TTC13: variants seen among roughly 807,000 people sequenced by gnomAD.
TTC13 encodes the protein tetratricopeptide repeat protein 13.
TTC13 carries 62 observed loss-of-function variants against 120.0 expected under a neutral mutation model. The observed-to-expected ratio is 0.52, with a 90% CI of 0.42 to 0.64. The LOEUF (loss-of-function observed/expected upper bound fraction) is 0.64, where lower values mean the gene tolerates loss of function less well. Among genes scored for constraint, TTC13 ranks in the 30% least tolerant of loss-of-function variants. TTC13 has a pLI of 0.00. For synonymous variants in TTC13, 384 were observed against 393.5 expected (o/e 0.98, Z 0.28); for missense variants, 824 against 1,050.2 (o/e 0.78, Z 2.98).
chr1:230,953,999 G>A (rs945671049), intron 4 of TTC13, among the ~76,000 whole-genome samples: 1 of 152,188 alleles, frequency 6.6e-6, no homozygotes, highest in Admixed American at 6.5e-5. Context: ...GTGGTAGAGA[G>A]GAAAGTGAAC....
intron 1 of TTC13, among the ~76,000 whole-genome samples, chr1:230,963,357 G>A (rs1676818444): frequency 6.6e-6 from 1 of 152,106 alleles, no homozygotes; most frequent in South Asian, 2.1e-4. Flanking sequence ...AATGGATGGA[G>A]GCTGGGTGCG....
chr1:230,947,575 T>C (rs967623564), intron 4 of TTC13, among the ~76,000 whole-genome samples: 1 of 150,606 alleles, frequency 6.6e-6, no homozygotes. Flanking sequence ...AAAAAAAAAA[T>C]ATCATAATGT....
Position 230,908,963 on chromosome 1 carries a change from T to G in TTC13, c.2367A>C (p.Ala789=). 3 of 1,614,238 alleles carry G rather than the reference T, an allele frequency of 1.9e-6. No individual in the cohort carries two copies. The highest frequency in any genetic ancestry group is 2.5e-6 in the Non-Finnish European group (3 of 1,180,036). ...ATACCTTCCCTTTGGGAATTTTTCC[T>G]GCTACTTCTTTTCCACTTGCCATCA... ...GALMASGKEV[A]GKIPKGKLVD... is the part of the protein sequence containing the mutation. Residue 789 remains alanine, a synonymous_variant, in exon 21 of 23, where the codon GCA becomes GCC. Coordinates refer to ENST00000366661, the MANE Select transcript of TTC13 (RefSeq NM_024525.5).
chr1:230,943,122 C>A (rs1167537407), intron 6 of TTC13, among the ~76,000 whole-genome samples: 1 of 152,092 alleles, frequency 6.6e-6, no homozygotes, highest in African/African-American at 2.4e-5. Flanking sequence ...CATATCAAGT[C>A]TTGCTAAAGT....
intron 4 of TTC13, among the ~76,000 whole-genome samples, chr1:230,947,467 G>T (rs758813917): frequency 6.6e-6 from 1 of 152,090 alleles, no homozygotes; most frequent in East Asian, 1.9e-4. Context: ...TAGAGCAGGG[G>T]TGTCCAATCT....
intron 1 of TTC13, among the ~76,000 whole-genome samples, chr1:230,965,012 A>T (rs1321846279): frequency 6.6e-6 from 1 of 152,204 alleles, no homozygotes; most frequent in Non-Finnish European, 1.5e-5. Flanking sequence ...AAGAACTCAA[A>T]CTATGAAACT....
intron 5 of TTC13, 21 bp from the exon 6 acceptor site, chr1:230,943,919 G>A (rs1674750703): frequency 6.4e-7 from 1 of 1,568,250 alleles, no homozygotes; most frequent in Non-Finnish European, 8.7e-7. Flanking sequence ...CATTAGCTTA[G>A]TATGAGACAT....
rs781569617 is a variant in TTC13 at position 230,963,671 on chromosome 1, T to TAAATAAATAAAA, written c.272-2369_272-2368insTTTTATTTATTT. Among the ~76,000 whole-genome samples the TAAATAAATAAAA allele has an allele frequency of 6.5e-3, 712 of 109,900 alleles. 5 individuals are homozygous for TAAATAAATAAAA. The highest frequency in any genetic ancestry group is 0.019 in the Middle Eastern group (4 of 214). 72.1% of individuals were successfully genotyped at this position (109,900 alleles called of 152,430 possible). A position where few individuals can be genotyped will look rare whatever the true frequency, so the allele number is the denominator to read the frequency against. ...ATAAATAAATAAATAAATAAATAAATAAAAGAAAAAAGAATGGATGGATTT... is the reference window on the plus strand; with the variant it reads ...ATAAATAAATAAATAAATAAATAAATAAATAAATAAAAAAAAGAAAAAAGAATGGATGGATTT... On this transcript the variant is annotated intron_variant, in intron 1 of 22. Transcript: ENST00000366661.
chr1:230,920,529 T>C lies in TTC13; in HGVS notation c.1964A>G (p.Asp655Gly). ...EALEKVHKVE[D>G]LLPIMKQFNT... is the part of the protein sequence containing the mutation. Reference sequence around the variant, plus strand: ...AGTTACCTTCATAATCGGAAGAAGGTCTTCTACTTTGTGTACCTTTTCCAG... The same window carrying C: ...AGTTACCTTCATAATCGGAAGAAGGCCTTCTACTTTGTGTACCTTTTCCAG... Residue 655 changes from aspartate to glycine, a missense_variant, in exon 17 of 23, where the codon GAC (aspartate) becomes GGC (glycine). By Grantham distance (94) the Asp-to-Gly change is moderately conservative. This residue lies in a region of TTC13 where 226 missense variants were observed against 259.1 expected (regional missense o/e 0.87). Transcript: ENST00000366661. 6.2e-7 allele frequency: 1 copy of C among 1,611,988 alleles called. No individual in the cohort carries two copies. Among genetic ancestry groups the C allele is most frequent in the South Asian group, 1.1e-5 (1 of 90,628 alleles).
In TTC13 at chr1:230,912,827, T is replaced by A. The variant is rs967340466; in HGVS notation, c.2094-69A>T. 4.8e-6 allele frequency: 7 copies of A among 1,464,794 alleles called. No homozygotes were observed. The African/African-American group carries it at 7.1e-5, about 15-fold the overall frequency. 90.7% of individuals were successfully genotyped at this position (1,464,794 alleles called of 1,614,324 possible). ...CAAACAGCCAAACACAGAAAGTTTT[T>A]TTTAAAAAGCAAATAGCATACTGAC... On this transcript the variant is annotated intron_variant, in intron 18 of 22. Transcript: ENST00000366661.
At chr1:230,911,606 A>G in intron 19 of TTC13, 57 bp from the exon 20 acceptor site, 1 of 1,121,764 alleles carries the variant, frequency 8.9e-7, no homozygotes, top group Non-Finnish European at 1.3e-6. Flanking sequence ...CTAATTTTTC[A>G]TTAGGTGACA....
intron 18 of TTC13, 23 bp downstream of exon 18, chr1:230,916,170 C>CTAA: frequency 6.4e-7 from 1 of 1,552,916 alleles, no homozygotes. Context: ...CTAGTTTACA[C>CTAA]CCACATTAAG....
At chr1:230,960,350 T>C (rs1676505165) in intron 2 of TTC13, among the ~76,000 whole-genome samples, 3 of 152,302 alleles carry the variant, frequency 2.0e-5, no homozygotes, top group Middle Eastern at 3.4e-3. Flanking sequence ...TAACTGCCTA[T>C]ACAAGATGGG....
chr1:230,931,544 G>A lies in TTC13; in HGVS notation c.1126-72C>T, dbSNP rs971246807. The stretch of plus-strand genomic sequence containing the variant: ...TTGAAATGCTTTATTCTTTACTCTG[G>A]AATTAGTTTTCCCTCCAGGTTAAAC... On this transcript the variant is annotated intron_variant, in intron 10 of 22. Coordinates refer to ENST00000366661, the MANE Select transcript of TTC13 (RefSeq NM_024525.5). 7 of 1,556,910 alleles carry A rather than the reference G, an allele frequency of 4.5e-6. No homozygotes were observed. The African/African-American group carries it at 8.2e-5, about 18-fold the overall frequency.
chr1:230,919,784 C>A (rs1672393493), intron 17 of TTC13, among the ~76,000 whole-genome samples: 1 of 152,192 alleles, frequency 6.6e-6, no homozygotes, highest in South Asian at 2.1e-4. Flanking sequence ...AAGGTGTTCA[C>A]AGGATCCATC....
intron 7 of TTC13, among the ~76,000 whole-genome samples, chr1:230,939,772 T>C (rs1020243629): frequency 1.3e-5 from 2 of 152,252 alleles, no homozygotes. Flanking sequence ...AATAGTATTA[T>C]GGTAATAATC....
intron 3 of TTC13, 133 bp from the exon 4 acceptor site, chr1:230,954,536 A>G: frequency 1.6e-6 from 1 of 606,612 alleles, no homozygotes; most frequent in Admixed American, 3.3e-5. Context: ...CCTAGAAGTT[A>G]ATAAGGTGTC....
rs1672493634 is a variant in TTC13 at position 230,920,589 on chromosome 1, T to C, written c.1904A>G (p.Asn635Ser). 3 of 1,576,862 alleles carry C rather than the reference T, an allele frequency of 1.9e-6. No individual in the cohort carries two copies. Among genetic ancestry groups the C allele is most frequent in the Non-Finnish European group, 2.6e-6 (3 of 1,163,802 alleles). The change falls in exon 17 of 23, where the codon AAT becomes AGT. Residue 635 changes from asparagine (N) to serine (S), a missense_variant. By Grantham distance (46) the Asn-to-Ser change is conservative. Coordinates refer to ENST00000366661, the MANE Select transcript of TTC13 (RefSeq NM_024525.5). ...KDRILVYHGA[N>S]NPKGLLEVRE... ...AACTTCCAGCAATCCTTTAGGATTA[T>C]TAGCTCTTAAAGAGAGACAGAGAGA...
chr1:230,922,436 C>T (rs140598697), intron 15 of TTC13, among the ~76,000 whole-genome samples: 1 of 152,206 alleles, frequency 6.6e-6, no homozygotes, highest in African/African-American at 2.4e-5. Context: ...TCCCAATGTG[C>T]AAATCTGTTC....
Sources: gnomAD v4.1 joint callset for allele counts (sites outside exome capture counted in the v4.1 genomes callset) on GRCh38, gnomAD v4.1.1 for gene constraint, gnomAD v4.1.1 regional missense constraint, MANE v1.5 for transcripts, NCBI Gene and HGNC (gene_info 2026-07-23, HGNC 2026-07-21) for gene names.